PRKAR1B: variants seen among roughly 807,000 people sequenced by gnomAD.
PRKAR1B encodes protein kinase cAMP-dependent type I regulatory subunit beta.
A neutral mutation model predicts 46.5 loss-of-function variants in PRKAR1B; 22 were observed. That is an observed-to-expected ratio of 0.47 (90% CI 0.34 to 0.68). The LOEUF is 0.68. Among genes scored for constraint, PRKAR1B ranks in the 30% least tolerant of loss-of-function variants. The pLI is 0.01. For missense variants in PRKAR1B, 445 were observed against 535.6 expected (o/e 0.83, Z 1.67); for synonymous variants, 259 against 217.7 (o/e 1.19, Z -1.67).
intron 4 of PRKAR1B, among the ~76,000 whole-genome samples, chr7:654,373 C>T (rs1785078054): frequency 1.3e-5 from 2 of 151,144 alleles, no homozygotes; most frequent in Non-Finnish European, 2.9e-5. Context: ...TCATTACCAT[C>T]ATCATTTCTT....
intron 9 of PRKAR1B, among the ~76,000 whole-genome samples, chr7:564,025 G>A (rs1456212366): frequency 1.3e-5 from 2 of 152,028 alleles, no homozygotes; most frequent in African/African-American, 4.8e-5. Context: ...TGACAATTCA[G>A]CAGCCCCCCT....
chr7:597,605 G>A (rs1477106265), intron 6 of PRKAR1B, among the ~76,000 whole-genome samples: 1 of 152,238 alleles, frequency 6.6e-6, no homozygotes, highest in African/African-American at 2.4e-5. Flanking sequence ...GGGATACGTG[G>A]AGGAGGCAGC....
intron 1 of PRKAR1B, among the ~76,000 whole-genome samples, chr7:712,160 C>T (rs1780675448): frequency 6.6e-6 from 1 of 150,810 alleles, no homozygotes; most frequent in South Asian, 2.1e-4. Context: ...AGGACCCCAG[C>T]CCCCCGCCAC....
At chr7:559,323 TG>T (rs370580109) in intron 9 of PRKAR1B, among the ~76,000 whole-genome samples, 107 of 152,042 alleles carry the variant, frequency 7.0e-4, no homozygotes, top group African/African-American at 2.5e-3. Context: ...GGAGAAGACG[TG>T]GGGGCCGCAT....
intron 4 of PRKAR1B, among the ~76,000 whole-genome samples, chr7:615,752 C>T (rs1447793201): frequency 2.1e-5 from 3 of 141,834 alleles, no homozygotes; most frequent in Admixed American, 7.4e-5. Context: ...GGCATGAACC[C>T]GGGAGGCAGA....
At chr7:654,229 C>A (rs1197011823) in intron 4 of PRKAR1B, among the ~76,000 whole-genome samples, 1 of 150,382 alleles carries the variant, frequency 6.6e-6, no homozygotes, top group Admixed American at 6.6e-5. Flanking sequence ...TCTTCATCAC[C>A]ATCATCACCA....
chr7:576,449 A>T (rs1008095846), intron 9 of PRKAR1B, among the ~76,000 whole-genome samples: 15 of 151,924 alleles, frequency 9.9e-5, no homozygotes, highest in Admixed American at 2.0e-4. Flanking sequence ...CCCCGCAAGG[A>T]CCCCCTTCGT....
At chr7:559,356 G>C (rs182319239) in intron 9 of PRKAR1B, among the ~76,000 whole-genome samples, 2 of 152,222 alleles carry the variant, frequency 1.3e-5, no homozygotes, top group Non-Finnish European at 2.9e-5. Context: ...AGAGGGGCTG[G>C]TGCCACGGCT....
At chr7:656,625 G>A (rs959624049) in intron 4 of PRKAR1B, among the ~76,000 whole-genome samples, 4 of 151,726 alleles carry the variant, frequency 2.6e-5, no homozygotes, top group South Asian at 2.1e-4. Flanking sequence ...AAGTGAATGC[G>A]TAGATGAATG....
At chr7:636,964 G>A (rs946168016) in intron 4 of PRKAR1B, among the ~76,000 whole-genome samples, 1 of 152,158 alleles carries the variant, frequency 6.6e-6, no homozygotes, top group East Asian at 1.9e-4. Flanking sequence ...GGGGAGTGCC[G>A]GGACAGGCCA....
intron 4 of PRKAR1B, among the ~76,000 whole-genome samples, chr7:615,312 C>A (rs1782738766): frequency 6.6e-6 from 1 of 151,824 alleles, no homozygotes; most frequent in Non-Finnish European, 1.5e-5. Flanking sequence ...GTAATCCCAG[C>A]TACCCGGGAG....
At chr7:727,839 G>A (rs1583469616), upstream of PRKAR1B, among the ~76,000 whole-genome samples, 1 of 148,700 alleles carries the variant, frequency 6.7e-6, no homozygotes, top group South Asian at 2.2e-4. Context: ...ACCCCACCCG[G>A]GCCCACGAGC....
At position 693,238 on chromosome 7, in the gene PRKAR1B, C is replaced by CT. The variant is rs111739617; in HGVS notation, c.178-12513dup. On this transcript the variant is annotated intron_variant, in intron 2 of 10. Transcript: ENST00000537384. The stretch of plus-strand genomic sequence containing the variant: ...GTGAGAGCCAGTGGGTCCTGTCGAG[C>CT]TTTTTTTTTTTTTTTTAATTGAGGT... Among the ~76,000 whole-genome samples, 134 of 138,480 alleles carry CT rather than the reference C, an allele frequency of 9.7e-4. No individual in the cohort carries two copies. The Middle Eastern group carries it at 0.011, about 12-fold the overall frequency. 90.8% of individuals were successfully genotyped at this position (138,480 alleles called of 152,430 possible). A position where few individuals can be genotyped will look rare whatever the true frequency, so the allele number is the denominator to read the frequency against.
intron 4 of PRKAR1B, among the ~76,000 whole-genome samples, chr7:656,338 T>C (rs1785184982): frequency 6.6e-6 from 1 of 151,976 alleles, no homozygotes; most frequent in Admixed American, 6.5e-5. Context: ...GAATGGATGA[T>C]GCATGGGTGA....
Position 593,991 on chromosome 7 carries a change from C to T in PRKAR1B, c.708+2155G>A, listed in dbSNP as rs765000422. Among the ~76,000 whole-genome samples, 5 of 152,264 alleles carry T rather than the reference C, an allele frequency of 3.3e-5. No homozygotes were observed. The highest frequency in any genetic ancestry group is 4.8e-5 in the African/African-American group (2 of 41,556). On this transcript the variant is annotated intron_variant, in intron 7 of 10. Coordinates refer to ENST00000537384, the MANE Select transcript of PRKAR1B (RefSeq NM_001164760.2). The surrounding 1 kb of genome is among the most constrained non-coding windows in gnomAD (Gnocchi z 6.1). Reference sequence around the variant, plus strand: ...GGACAGGCCAGCGCCAGCAGGACACCGTCTCTCAGCTGGCCCATGGCCATC... The same window carrying T: ...GGACAGGCCAGCGCCAGCAGGACACTGTCTCTCAGCTGGCCCATGGCCATC...
At chr7:615,527 A>G (rs1782754170) in intron 4 of PRKAR1B, among the ~76,000 whole-genome samples, 2 of 151,674 alleles carry the variant, frequency 1.3e-5, no homozygotes, top group Middle Eastern at 6.8e-3. Context: ...AAAGGAAAGA[A>G]AGAGAGAGAG....
chr7:605,038 G>A (rs1187641915), intron 6 of PRKAR1B, among the ~76,000 whole-genome samples: 2 of 152,210 alleles, frequency 1.3e-5, no homozygotes, highest in Non-Finnish European at 2.9e-5. Flanking sequence ...TCATCACCAC[G>A]AGCCGCAGAG....
chr7:728,334 C>G (rs773462639), upstream of PRKAR1B, among the ~76,000 whole-genome samples: 40 of 152,204 alleles, frequency 2.6e-4, no homozygotes, highest in Non-Finnish European at 5.0e-4. Context: ...CCAGCTCAGG[C>G]CGTCCCAGTG....
In PRKAR1B at chr7:680,650, G is replaced by A. The variant is rs770020244; in HGVS notation, c.254C>T (p.Thr85Ile). ...SDSHDEEVSP[T>I]PPNPVVKARR... ...GGCCTTCACCACAGGGTTCGGGGGG[G>A]TGGGCGACACCTCCTCATCATGGGA... Residue 85 changes from threonine to isoleucine, a missense_variant, in exon 3 of 11, where the codon ACC becomes ATC. By Grantham distance (89) the Thr-to-Ile change is moderately conservative. This residue lies in a region of PRKAR1B where 155 missense variants were observed against 127.5 expected (regional missense o/e 1.22). Coordinates refer to ENST00000537384, the MANE Select transcript of PRKAR1B (RefSeq NM_001164760.2). The A allele has an allele frequency of 1.9e-6, 3 of 1,613,338 alleles. No individual in the cohort carries two copies. Among genetic ancestry groups the A allele is most frequent in the East Asian group, 2.2e-5 (1 of 44,854 alleles).
Sources: allele counts gnomAD v4.1 joint callset (sites outside exome capture counted in the v4.1 genomes callset), GRCh38; gene constraint gnomAD v4.1.1; regional missense constraint gnomAD v4.1.1; non-coding constraint Gnocchi (gnomAD v3.1); transcripts MANE v1.5; gene names NCBI Gene and HGNC (gene_info 2026-07-23, HGNC 2026-07-21).